WSCD2: variants seen among roughly 807,000 people sequenced by gnomAD.
WSCD2 encodes the protein WSC domain sialate O sulfotransferase 2.
WSCD2 carries 28 observed loss-of-function variants against 55.7 expected under a neutral mutation model. That is an observed-to-expected ratio of 0.50 (90% confidence interval 0.37 to 0.69). The LOEUF (loss-of-function observed/expected upper bound fraction) is 0.69, where lower values mean the gene tolerates loss of function less well. Among genes scored for constraint, WSCD2 ranks in the 30% least tolerant of loss-of-function variants. The pLI is 0.00. For missense variants in WSCD2, 616 were observed against 762.1 expected (o/e 0.81, Z 2.26); for synonymous variants, 301 against 301.9 (o/e 1.00, Z 0.03).
intron 1 of WSCD2, among the ~76,000 whole-genome samples, chr12:108,158,786 C>T (rs1016251566): frequency 3.3e-5 from 5 of 152,154 alleles, no homozygotes; most frequent in Non-Finnish European, 7.4e-5. Flanking sequence ...CCTCACTCTC[C>T]GTGTCTACTC....
chr12:108,170,868 T>C (rs1880170561), intron 1 of WSCD2, among the ~76,000 whole-genome samples: 1 of 152,212 alleles, frequency 6.6e-6, no homozygotes, highest in Admixed American at 6.5e-5. Context: ...ATTTCAGTCC[T>C]GTGGGCTTGC....
Position 108,210,382 on chromosome 12 carries a change from T to C in WSCD2, c.682+77T>C. 6.7e-7 allele frequency: 1 copy of C among 1,493,912 alleles called. No homozygotes were observed. The highest frequency in any genetic ancestry group is 1.3e-5 in the South Asian group (1 of 75,080). The allele number at this position is 1,493,912 out of a possible 1,614,324, so 92.5% of individuals were successfully genotyped here. A position where few individuals can be genotyped will look rare whatever the true frequency, so the allele number is the denominator to read the frequency against. On this transcript the variant is annotated intron_variant, in intron 4 of 8. Transcript: ENST00000547525. This position sits in a 1 kb window ranked among gnomAD's most constrained non-coding sequence, Gnocchi z 4.3. ...CTTGCCCACCAAAGAGTCCCACATG[T>C]CTGCCCTGTACCCTCCATGGCTCCC...
chr12:108,212,452 T>G (rs1432905789), intron 4 of WSCD2, among the ~76,000 whole-genome samples: 1 of 152,112 alleles, frequency 6.6e-6, no homozygotes, highest in Non-Finnish European at 1.5e-5. Context: ...ATGTTCAGGT[T>G]GGCTGAATAA....
At chr12:108,235,275 T>G (rs1889164602) in intron 7 of WSCD2, among the ~76,000 whole-genome samples, 2 of 152,232 alleles carry the variant, frequency 1.3e-5, no homozygotes, top group African/African-American at 2.4e-5. Flanking sequence ...TAGACATTTT[T>G]TAAATGCTAT....
At chr12:108,201,337 C>T (rs561300000) in intron 2 of WSCD2, among the ~76,000 whole-genome samples, 3 of 152,300 alleles carry the variant, frequency 2.0e-5, no homozygotes, top group South Asian at 2.1e-4. Flanking sequence ...ATCTCCTTTG[C>T]GTCTGTGTCT....
rs114960790 is a variant in WSCD2, at chr12:108,138,523, G to A, written c.-552+8597G>A. 8.7e-3 allele frequency among the ~76,000 whole-genome samples: 1,330 copies of A among 152,212 alleles called. 15 individuals are homozygous for A. Among genetic ancestry groups the A allele is most frequent in the African/African-American group, 0.024 (992 of 41,512 alleles). On this transcript the variant is annotated intron_variant, in intron 1 of 8. Transcript: ENST00000547525. ...AATGGCAATAATACCTACCTCATAG[G>A]GTTCTTACAGGGATTCAATGAGATC...
At chr12:108,169,721 G>A (rs949528120) in intron 1 of WSCD2, among the ~76,000 whole-genome samples, 1 of 152,264 alleles carries the variant, frequency 6.6e-6, no homozygotes, top group South Asian at 2.1e-4. Context: ...TAGGGGAACA[G>A]GGCACAGGAC....
chr12:108,135,031 C>T (rs978054562), intron 1 of WSCD2, among the ~76,000 whole-genome samples: 1 of 152,198 alleles, frequency 6.6e-6, no homozygotes, highest in African/African-American at 2.4e-5. Flanking sequence ...TTCCCCCCTT[C>T]ACTCACCTGG....
At chr12:108,246,907 C>T (rs1890133056) in intron 8 of WSCD2, among the ~76,000 whole-genome samples, 1 of 152,096 alleles carries the variant, frequency 6.6e-6, no homozygotes, top group African/African-American at 2.4e-5. Context: ...CCCGCCTGAG[C>T]CCAGGGAGTC....
At chr12:108,130,480 GTGTGT>G (rs1565905465) in intron 1 of WSCD2, among the ~76,000 whole-genome samples, 49 of 46,632 alleles carry the variant, frequency 1.1e-3, no homozygotes, top group Non-Finnish European at 2.5e-3. Flanking sequence ...TCTGGGGTGT[GTGTGT>G]GTGTGTGTGT....
intron 8 of WSCD2, among the ~76,000 whole-genome samples, chr12:108,242,459 G>A (rs1476568840): frequency 6.6e-6 from 1 of 152,118 alleles, no homozygotes; most frequent in Non-Finnish European, 1.5e-5. Flanking sequence ...CACAGACTCT[G>A]CTTGTCAAAG....
chr12:108,219,331 C>T (rs192880345), intron 4 of WSCD2, among the ~76,000 whole-genome samples: 2 of 152,332 alleles, frequency 1.3e-5, no homozygotes, highest in Admixed American at 1.3e-4. Flanking sequence ...CACAGGATCA[C>T]ATTTGCATTC....
chr12:108,163,611 A>C (rs1478795843), intron 1 of WSCD2, among the ~76,000 whole-genome samples: 1 of 152,126 alleles, frequency 6.6e-6, no homozygotes, highest in Non-Finnish European at 1.5e-5. Context: ...CATCGCAAGG[A>C]TCTTCATAAG....
chr12:108,151,088 T>C (rs1042236695), intron 1 of WSCD2, among the ~76,000 whole-genome samples: 5 of 152,032 alleles, frequency 3.3e-5, no homozygotes, highest in African/African-American at 1.2e-4. Flanking sequence ...ACTCCTTCCC[T>C]GTGCCATCTC....
chr12:108,143,643 T>A (rs2136889106), intron 1 of WSCD2, among the ~76,000 whole-genome samples: 1 of 152,254 alleles, frequency 6.6e-6, no homozygotes, highest in East Asian at 1.9e-4. Context: ...GTTACAATTG[T>A]GATTATTCTC....
chr12:108,232,702 G>T, intron 6 of WSCD2, 29 bp from the exon 7 acceptor site: 2 of 1,582,876 alleles, frequency 1.3e-6, no homozygotes, highest in South Asian at 2.3e-5. Flanking sequence ...CCCTGGTGTT[G>T]ACCTCTGTCC....
intron 1 of WSCD2, among the ~76,000 whole-genome samples, chr12:108,146,150 T>C (rs1222760607): frequency 6.6e-6 from 1 of 152,230 alleles, no homozygotes; most frequent in Non-Finnish European, 1.5e-5. Context: ...TGATGCAAAT[T>C]GTACATCTTT....
chr12:108,132,912 G>T (rs1377764098), intron 1 of WSCD2, among the ~76,000 whole-genome samples: 1 of 152,204 alleles, frequency 6.6e-6, no homozygotes, highest in Non-Finnish European at 1.5e-5. Flanking sequence ...ATATGTGTGT[G>T]TAGCATTGCA....
At chr12:108,145,042 G>C (rs1877241920) in intron 1 of WSCD2, among the ~76,000 whole-genome samples, 1 of 152,192 alleles carries the variant, frequency 6.6e-6, no homozygotes, top group Non-Finnish European at 1.5e-5. Flanking sequence ...TCCCTGAGCA[G>C]TGAAATCCAG....
Sources: gnomAD v4.1 joint callset for allele counts (sites outside exome capture counted in the v4.1 genomes callset) on GRCh38, gnomAD v4.1.1 for gene constraint, Gnocchi (gnomAD v3.1) non-coding constraint, MANE v1.5 for transcripts, NCBI Gene and HGNC (gene_info 2026-07-23, HGNC 2026-07-21) for gene names.